The following NHSL1 variants were observed in gnomAD, a reference collection of about 807,000 sequenced individuals.
The protein encoded by NHSL1 is NHS like 1.
In NHSL1, 48 loss-of-function variants were observed where a neutral mutation model predicts 95.0. That is an observed-to-expected ratio of 0.51 (90% confidence interval 0.40 to 0.64). NHSL1 has a LOEUF of 0.64. Among genes scored for constraint, NHSL1 ranks in the 30% least tolerant of loss-of-function variants. NHSL1 has a pLI of 0.00. For synonymous variants in NHSL1, 783 were observed against 833.9 expected (o/e 0.94, Z 1.05); for missense variants, 1,971 against 2,077.7 (o/e 0.95, Z 1.00).
intron 3 of NHSL1, among the ~76,000 whole-genome samples, chr6:138,451,376 C>T (rs1777228409): frequency 6.6e-6 from 1 of 152,150 alleles, no homozygotes; most frequent in South Asian, 2.1e-4. Context: ...AACTGTTCAT[C>T]CTATTCAATT....
At chr6:138,651,241 G>T (rs191806921) in intron 1 of NHSL1, among the ~76,000 whole-genome samples, 1 of 152,094 alleles carries the variant, frequency 6.6e-6, no homozygotes, top group Non-Finnish European at 1.5e-5. Context: ...AATTTGGAGA[G>T]GTCAAATCTT....
intron 3 of NHSL1, among the ~76,000 whole-genome samples, chr6:138,452,544 C>T (rs1285352244): frequency 2.0e-5 from 3 of 152,174 alleles, no homozygotes; most frequent in Non-Finnish European, 2.9e-5. Flanking sequence ...AAATAGAGAA[C>T]AGATGAAACT....
intron 1 of NHSL1, among the ~76,000 whole-genome samples, chr6:138,530,052 T>C (rs185271705): frequency 1.4e-3 from 220 of 152,322 alleles, no homozygotes; most frequent in Admixed American, 2.4e-3. Flanking sequence ...AATTATAGAT[T>C]ACAATGGTCT....
At chr6:138,486,042 A>G (rs140822640) in intron 2 of NHSL1, among the ~76,000 whole-genome samples, 151 of 152,134 alleles carry the variant, frequency 9.9e-4, no homozygotes, top group Non-Finnish European at 1.5e-3. Context: ...AATTCCCTCT[A>G]GGAGACAGAG....
intron 2 of NHSL1, among the ~76,000 whole-genome samples, chr6:138,484,803 T>A (rs1223303244): frequency 6.6e-6 from 1 of 152,222 alleles, no homozygotes; most frequent in Non-Finnish European, 1.5e-5. Flanking sequence ...ACATTAAAAG[T>A]TGAGCCACTG....
At chr6:138,583,403 C>T (rs1003264476) in intron 1 of NHSL1, among the ~76,000 whole-genome samples, 4 of 152,208 alleles carry the variant, frequency 2.6e-5, no homozygotes, top group Non-Finnish European at 5.9e-5. Context: ...CAGGCACCTA[C>T]TTGGGCAAGT....
intron 3 of NHSL1, among the ~76,000 whole-genome samples, chr6:138,454,364 C>T (rs1777446549): frequency 6.6e-6 from 1 of 152,144 alleles, no homozygotes; most frequent in Admixed American, 6.5e-5. Context: ...AATTTATTCA[C>T]ATTTTTTATT....
At chr6:138,459,007 T>C (rs970708369) in intron 3 of NHSL1, among the ~76,000 whole-genome samples, 1 of 152,184 alleles carries the variant, frequency 6.6e-6, no homozygotes, top group Admixed American at 6.5e-5. Context: ...AGTTTGTTTT[T>C]GTTTTTGAGA....
At chr6:138,627,811 G>A (rs1290891792) in intron 1 of NHSL1, among the ~76,000 whole-genome samples, 1 of 152,014 alleles carries the variant, frequency 6.6e-6, no homozygotes, top group Non-Finnish European at 1.5e-5. Context: ...AACCTGGGAG[G>A]CAGATGTTGC....
chr6:138,568,431 C>T (rs1350932753), intron 1 of NHSL1, among the ~76,000 whole-genome samples: 1 of 152,208 alleles, frequency 6.6e-6, no homozygotes, highest in East Asian at 1.9e-4. Flanking sequence ...TTATCTACCA[C>T]TGCATTCCAC....
chr6:138,565,847 C>A lies in NHSL1; in HGVS notation c.202+5863G>T, dbSNP rs535215513. On this transcript the variant is annotated intron_variant, in intron 1 of 6. Coordinates refer to the NHSL1 transcript ENST00000427025. ...AGTCCTAGCTACTCAGGAGGCTGAG[C>A]GGGGAGGATCCCTTGAGCCTGGGAG... 3.3e-5 allele frequency among the ~76,000 whole-genome samples: 5 copies of A among 150,530 alleles called. No individual in the cohort carries two copies. In the South Asian group the frequency reaches 6.3e-4, roughly 19 times the overall value.
At position 138,431,515 on chromosome 6, in the gene NHSL1, C is replaced by A; in HGVS notation, c.2830G>T (p.Ala944Ser). The A allele has an allele frequency of 6.4e-7, 1 of 1,550,490 alleles. No individual in the cohort carries two copies. Among genetic ancestry groups the A allele is most frequent in the Non-Finnish European group, 8.7e-7 (1 of 1,146,482 alleles). Residue 944 changes from alanine (A) to serine (S), a missense_variant, in exon 6 of 8, where the codon GCA becomes TCA. By Grantham distance (99) the Ala-to-Ser change is moderately conservative. Coordinates refer to ENST00000343505, the MANE Select transcript of NHSL1 (RefSeq NM_001144060.2). This position sits in a 1 kb window ranked among gnomAD's most constrained non-coding sequence, Gnocchi z 4.0. ...GGAGGAAGGAAAGGAGACCTGTCTG[C>A]AGGACAAGGGAATGGAGGAGAGGGA... is the stretch of plus-strand genomic sequence containing the variant. ...PVPSPPFPCPADRSPFLPPPP... is the reference protein window; with the variant it reads ...PVPSPPFPCPSDRSPFLPPPP...
intron 1 of NHSL1, among the ~76,000 whole-genome samples, chr6:138,619,771 A>C (rs770487436): frequency 6.6e-6 from 1 of 152,084 alleles, no homozygotes; most frequent in Non-Finnish European, 1.5e-5. Context: ...AACATGGTGA[A>C]ACCCCATCTC....
chr6:138,496,301 A>G lies in NHSL1; in HGVS notation c.129T>C (p.Asn43=), dbSNP rs1168564205. 2 of 1,550,848 alleles carry G rather than the reference A, an allele frequency of 1.3e-6. No individual in the cohort carries two copies. Among genetic ancestry groups the G allele is most frequent in the Admixed American group, 2.0e-5 (1 of 50,986 alleles). The stretch of plus-strand genomic sequence containing the variant: ...GGGGTCTTGTGGTGGGAAGGAACAC[A>G]TTCTCCTGCTGGTGCCACGGGGCAG... ...HYTAPWHQQE[N]VFLPTTRPPC... The change falls in exon 2 of 8, where the codon AAT becomes AAC. Residue 43 remains asparagine, a synonymous_variant. Coordinates refer to ENST00000343505, the MANE Select transcript of NHSL1 (RefSeq NM_001144060.2).
intron 1 of NHSL1, among the ~76,000 whole-genome samples, chr6:138,568,637 G>A (rs1455192029): frequency 6.6e-6 from 1 of 152,184 alleles, no homozygotes; most frequent in Non-Finnish European, 1.5e-5. Context: ...CTTGTAGTGT[G>A]CTGTCAAACA....
chr6:138,490,854 T>C (rs573028685), intron 2 of NHSL1, among the ~76,000 whole-genome samples: 1 of 152,164 alleles, frequency 6.6e-6, no homozygotes, highest in Admixed American at 6.5e-5. Flanking sequence ...GGATGGTATC[T>C]ATCTCCTGAC....
chr6:138,500,745 T>A (rs534084248), upstream of NHSL1, among the ~76,000 whole-genome samples: 1 of 151,658 alleles, frequency 6.6e-6, no homozygotes, highest in South Asian at 2.1e-4. Context: ...AAAGAACACA[T>A]AGGGGAAAGC....
chr6:138,606,971 T>C (rs1784443620), intron 1 of NHSL1, among the ~76,000 whole-genome samples: 1 of 152,182 alleles, frequency 6.6e-6, no homozygotes, highest in African/African-American at 2.4e-5. Flanking sequence ...CTGAAAGTGC[T>C]GGGATTACCA....
At chr6:138,595,191 A>G (rs1440837159) in intron 1 of NHSL1, among the ~76,000 whole-genome samples, 2 of 152,318 alleles carry the variant, frequency 1.3e-5, no homozygotes, top group African/African-American at 2.4e-5. Context: ...TTTCTAAATA[A>G]TATTTACTTA....
Sources: allele counts gnomAD v4.1 joint callset (sites outside exome capture counted in the v4.1 genomes callset), GRCh38; gene constraint gnomAD v4.1.1; non-coding constraint Gnocchi (gnomAD v3.1); transcripts MANE v1.5; gene names NCBI Gene and HGNC (gene_info 2026-07-23, HGNC 2026-07-21).